The following GPC6 variants were observed in gnomAD, a reference collection of about 807,000 sequenced individuals.
GPC6 encodes the protein glypican 6.
Under a neutral mutation model 55.2 loss-of-function variants are expected in GPC6, and 14 were observed. The ratio of observed to expected loss-of-function variants is 0.25; its 90% CI spans 0.17 to 0.40. The LOEUF (loss-of-function observed/expected upper bound fraction) is 0.40. Among genes scored for constraint, GPC6 ranks in the 10% least tolerant of loss-of-function variants. The pLI, the probability that GPC6 is intolerant of heterozygous loss-of-function variation, is 1.00. For missense variants in GPC6, 641 were observed against 708.5 expected (o/e 0.90, Z 1.08); for synonymous variants, 278 against 259.6 (o/e 1.07, Z -0.68).
intron 7 of GPC6, among the ~76,000 whole-genome samples, chr13:94,394,840 C>T (rs990415058): frequency 2.0e-5 from 3 of 152,194 alleles, no homozygotes; most frequent in African/African-American, 7.2e-5. Flanking sequence ...TCAGTAGGCA[C>T]AGTTAGAGGC....
chr13:93,455,799 C>A (rs1330216775), intron 1 of GPC6, among the ~76,000 whole-genome samples: 1 of 152,080 alleles, frequency 6.6e-6, no homozygotes, highest in Admixed American at 6.5e-5. Context: ...AGTATTCTCC[C>A]TCGAGACCCC....
chr13:94,370,277 G>A (rs372095184), intron 6 of GPC6, among the ~76,000 whole-genome samples: 62 of 152,282 alleles, frequency 4.1e-4, no homozygotes, highest in Middle Eastern at 3.4e-3. Flanking sequence ...AAATAGCAGC[G>A]AAGCCTTATT....
At chr13:93,573,950 A>T (rs1474820876) in intron 2 of GPC6, among the ~76,000 whole-genome samples, 1 of 152,144 alleles carries the variant, frequency 6.6e-6, no homozygotes, top group Non-Finnish European at 1.5e-5. Flanking sequence ...TTGAGTTGAG[A>T]GACATGAGGT....
chr13:94,012,763 G>C (rs537150977), intron 3 of GPC6, among the ~76,000 whole-genome samples: 1 of 152,200 alleles, frequency 6.6e-6, no homozygotes, highest in Non-Finnish European at 1.5e-5. Context: ...TACTTTAAAG[G>C]CAGATTCTGT....
At chr13:93,917,343 C>T (rs1375915767) in intron 3 of GPC6, among the ~76,000 whole-genome samples, 1 of 151,924 alleles carries the variant, frequency 6.6e-6, no homozygotes, top group East Asian at 1.9e-4. Flanking sequence ...CAACATAGAG[C>T]AGCCACAGCG....
At chr13:93,397,788 T>A (rs1197504041) in intron 1 of GPC6, among the ~76,000 whole-genome samples, 1 of 150,658 alleles carries the variant, frequency 6.6e-6, no homozygotes, top group Non-Finnish European at 1.5e-5. Context: ...GCTCAAAAGC[T>A]ATTTTTTTTT....
intron 2 of GPC6, among the ~76,000 whole-genome samples, chr13:93,666,822 A>G (rs1229835430): frequency 1.3e-5 from 2 of 152,190 alleles, no homozygotes; most frequent in Non-Finnish European, 2.9e-5. Context: ...CTGGTCCAAC[A>G]GAAAGTGCCA....
intron 1 of GPC6, among the ~76,000 whole-genome samples, chr13:93,272,041 AT>A (rs1012075792): frequency 3.3e-5 from 5 of 152,208 alleles, no homozygotes; most frequent in Admixed American, 2.0e-4. Context: ...GATTATAGTC[AT>A]TTATTGAATA....
At chr13:93,860,512 A>G (rs1010696171) in intron 3 of GPC6, among the ~76,000 whole-genome samples, 5 of 151,628 alleles carry the variant, frequency 3.3e-5, no homozygotes, top group African/African-American at 9.7e-5. Context: ...GTGTTTAGCA[A>G]TCTTTTACAC....
chr13:93,852,048 A>G (rs1024065900), intron 3 of GPC6, among the ~76,000 whole-genome samples: 1 of 151,814 alleles, frequency 6.6e-6, no homozygotes, highest in Non-Finnish European at 1.5e-5. Context: ...TGTATTCCAA[A>G]GTAGTTGACA....
chr13:93,627,310 A>G (rs931869994), intron 2 of GPC6, among the ~76,000 whole-genome samples: 9 of 152,122 alleles, frequency 5.9e-5, no homozygotes, highest in Non-Finnish European at 1.2e-4. Flanking sequence ...AGCTTCATCC[A>G]TGTCCCTGCA....
At chr13:93,524,126 A>G (rs1881556136) in intron 1 of GPC6, among the ~76,000 whole-genome samples, 2 of 152,006 alleles carry the variant, frequency 1.3e-5, no homozygotes, top group African/African-American at 4.8e-5. Flanking sequence ...GACTTTCTTC[A>G]ACTAGTAAAA....
rs552397043 is a variant in GPC6 at position 93,548,830 on chromosome 13, G to T, written c.319+3409G>T. ...CCAGAAATTTTAATTCTTTGGCAGA[G>T]AATTTTCTCATAGCTGTATATCTTT... is the stretch of plus-strand genomic sequence containing the variant. On this transcript the variant is annotated intron_variant, in intron 2 of 8. Transcript: ENST00000377047. Among the ~76,000 whole-genome samples, 7 of 152,156 alleles carry T rather than the reference G, an allele frequency of 4.6e-5. No individual in the cohort carries two copies. The South Asian group carries it at 6.2e-4, about 14-fold the overall frequency.
At chr13:93,919,999 T>C (rs1877488313) in intron 3 of GPC6, among the ~76,000 whole-genome samples, 1 of 152,096 alleles carries the variant, frequency 6.6e-6, no homozygotes, top group Admixed American at 6.5e-5. Flanking sequence ...CTCCCTCATC[T>C]CTCTCTACAG....
At chr13:94,186,201 T>C (rs577370250) in intron 4 of GPC6, among the ~76,000 whole-genome samples, 17 of 152,120 alleles carry the variant, frequency 1.1e-4, no homozygotes, top group African/African-American at 4.1e-4. Context: ...ACAATGCATA[T>C]TTACTCAGCA....
chr13:93,265,238 G>T (rs1474406473), intron 1 of GPC6, among the ~76,000 whole-genome samples: 1 of 152,138 alleles, frequency 6.6e-6, no homozygotes, highest in African/African-American at 2.4e-5. Context: ...AAACTTTAAA[G>T]AAATCAATGT....
chr13:94,304,222 T>C (rs919577186), intron 5 of GPC6, among the ~76,000 whole-genome samples: 1 of 152,172 alleles, frequency 6.6e-6, no homozygotes, highest in African/African-American at 2.4e-5. Context: ...TTAAGACCAA[T>C]CTCGAGGAAT....
At chr13:94,218,104 C>T (rs7337873) in intron 4 of GPC6, among the ~76,000 whole-genome samples, 102,033 of 151,996 alleles carry the variant, frequency 0.67, 34,317 homozygotes, top group East Asian at 0.83. Flanking sequence ...AAAATGCTCT[C>T]ATTTCGGGCT....
intron 4 of GPC6, among the ~76,000 whole-genome samples, chr13:94,266,609 C>T (rs1350003220): frequency 6.6e-6 from 1 of 151,998 alleles, no homozygotes; most frequent in African/African-American, 2.4e-5. Context: ...AAAACGCAGC[C>T]CCAGTTATCT....
Sources: allele counts gnomAD v4.1 joint callset (sites outside exome capture counted in the v4.1 genomes callset), GRCh38; gene constraint gnomAD v4.1.1; transcripts MANE v1.5; gene names NCBI Gene and HGNC (gene_info 2026-07-23, HGNC 2026-07-21).